GNE: variants seen among roughly 807,000 people sequenced by gnomAD.
GNE encodes bifunctional UDP-N-acetylglucosamine 2-epimerase/N-acetylmannosamine kinase.
In GNE, 41 loss-of-function variants were observed where a neutral mutation model predicts 61.8. The observed-to-expected ratio is 0.66, with a 90% CI of 0.52 to 0.86. GNE has a LOEUF of 0.86. GNE is among the 40% of genes least tolerant of loss of function. The pLI, the probability that GNE is intolerant of heterozygous loss-of-function variation, is 0.00. For synonymous variants in GNE, 264 were observed against 326.4 expected, an observed-to-expected ratio of 0.81 and a Z score of 2.06; for missense variants, 608 against 909.1, an observed-to-expected ratio of 0.67 and a Z score of 4.26.
At chr9:36,252,207 G>A (rs181841911) in intron 1 of GNE, among the ~76,000 whole-genome samples, 2 of 152,066 alleles carry the variant, frequency 1.3e-5, no homozygotes, top group East Asian at 1.9e-4. Flanking sequence ...GACTGGTCTC[G>A]AACTCCTGAC....
chr9:36,224,828 C>T lies in GNE; in HGVS notation c.1282-1326G>A, dbSNP rs1215481379. Among the ~76,000 whole-genome samples, 12 of 152,098 alleles carry T rather than the reference C, an allele frequency of 7.9e-5. No individual in the cohort carries two copies. The South Asian group carries it at 1.2e-3, about 16-fold the overall frequency. ...GAGGTTGCAGTAAGCCGAGATCATA[C>T]CACTGCACTCCAGTCTGGGCGACAG... On this transcript the variant is annotated intron_variant, in intron 7 of 11. Transcript: ENST00000642385.
chr9:36,241,994 G>C (rs1829647530), intron 3 of GNE, among the ~76,000 whole-genome samples: 4 of 151,960 alleles, frequency 2.6e-5, no homozygotes, highest in Non-Finnish European at 5.9e-5. Context: ...AAATTAGCCA[G>C]GTGTGGTGGT....
intron 1 of GNE, chr9:36,267,890 C>T (rs1278194518): frequency 2.0e-5 from 3 of 152,058 alleles, no homozygotes; most frequent in African/African-American, 7.2e-5. Context: ...TGGCTCATGC[C>T]TGTCTTCCCA....
In GNE at chr9:36,234,034, A is replaced by G; in HGVS notation, c.868T>C (p.Leu290=). The change falls in exon 5 of 12, where the codon TTG becomes CTG. Residue 290 remains leucine (L), a synonymous_variant. Transcript: ENST00000642385. The stretch of plus-strand genomic sequence containing the variant: ...ATCATACAGCCAGCATGGGCAACCA[A>G]CTGTATAAACTGGTCAAATGGGACG... ...KHVPFDQFIQ[L]VAHAGCMIGN... 3.1e-6 allele frequency: 5 copies of G among 1,614,128 alleles called. No homozygotes were observed. Among genetic ancestry groups the G allele is most frequent in the Non-Finnish European group, 4.2e-6 (5 of 1,179,958 alleles).
intron 1 of GNE, among the ~76,000 whole-genome samples, chr9:36,266,540 G>A (rs941655732): frequency 1.1e-4 from 17 of 152,166 alleles, no homozygotes; most frequent in Non-Finnish European, 1.6e-4. Context: ...TTGGGAGGCC[G>A]AGGCAGGTGG....
chr9:36,232,327 T>C (rs1829195136), intron 5 of GNE, among the ~76,000 whole-genome samples: 1 of 128,280 alleles, frequency 7.8e-6, no homozygotes, highest in African/African-American at 3.3e-5. Context: ...CTTTTATTCT[T>C]GCCCCCCCGC....
intron 5 of GNE, among the ~76,000 whole-genome samples, chr9:36,231,386 G>A (rs539961759): frequency 6.6e-6 from 1 of 152,214 alleles, no homozygotes; most frequent in South Asian, 2.1e-4. Flanking sequence ...TCAAGGTTAC[G>A]ATGAGCTATG....
At chr9:36,223,301 G>A in intron 8 of GNE, 72 bp downstream of exon 8, 2 of 1,330,906 alleles carry the variant, frequency 1.5e-6, no homozygotes, top group Non-Finnish European at 2.2e-6. Flanking sequence ...TGATGCTCAG[G>A]CATGCATCAC....
chr9:36,276,647 G>T (rs757817431), intron 1 of GNE, among the ~76,000 whole-genome samples: 2 of 152,206 alleles, frequency 1.3e-5, no homozygotes, highest in African/African-American at 4.8e-5. Context: ...CTGGAGAAAA[G>T]AGTTCAATTT....
intron 3 of GNE, among the ~76,000 whole-genome samples, chr9:36,239,324 A>G (rs1421360454): frequency 3.3e-5 from 5 of 152,030 alleles, no homozygotes; most frequent in African/African-American, 1.2e-4. Context: ...TTTTGGCAGT[A>G]TGGTCATTCT....
At chr9:36,246,552 C>G in intron 2 of GNE, 70 bp from the exon 3 acceptor site, 2 of 947,238 alleles carry the variant, frequency 2.1e-6, no homozygotes, top group Non-Finnish European at 3.4e-6. Context: ...GCAAGAAAAG[C>G]AATCTAACAC....
At chr9:36,269,609 T>C (rs1478035361) in intron 1 of GNE, among the ~76,000 whole-genome samples, 2 of 151,898 alleles carry the variant, frequency 1.3e-5, no homozygotes, top group Non-Finnish European at 2.9e-5. Context: ...ATTCAATCTT[T>C]CAAATAATTC....
At chr9:36,249,418 A>G (rs1452212759) in intron 1 of GNE, 21 bp from the exon 2 acceptor site, 2 of 1,527,080 alleles carry the variant, frequency 1.3e-6, no homozygotes, top group Admixed American at 1.7e-5. Flanking sequence ...CAAAATAAAA[A>G]CTTTATAATC....
chr9:36,228,055 C>T (rs1486954955), intron 6 of GNE, among the ~76,000 whole-genome samples: 1 of 143,444 alleles, frequency 7.0e-6, no homozygotes, highest in Non-Finnish European at 1.5e-5. Context: ...AAAAAAACAA[C>T]CAACAATAAC....
chr9:36,275,999 C>T (rs769087571), intron 1 of GNE, among the ~76,000 whole-genome samples: 1 of 152,172 alleles, frequency 6.6e-6, no homozygotes, highest in African/African-American at 2.4e-5. Flanking sequence ...GCAGCAAGAC[C>T]TTGTCTCTAC....
rs1003370349 is a variant in GNE at position 36,218,133 on chromosome 9, A to G, written c.1933+50T>C. ...TTCTGGGGCCGGGCTGGGCCATATGATATCTGAGGCCACCCCCTGCAGCAC... is the reference window on the plus strand; with the variant it reads ...TTCTGGGGCCGGGCTGGGCCATATGGTATCTGAGGCCACCCCCTGCAGCAC... On this transcript the variant is annotated intron_variant, in intron 11 of 11. Transcript: ENST00000642385. The surrounding 1 kb of genome is among the most constrained non-coding windows in gnomAD (Gnocchi z 4.1). 3 of 1,241,580 alleles carry G rather than the reference A, an allele frequency of 2.4e-6. No individual in the cohort carries two copies. The highest frequency in any genetic ancestry group is 2.9e-5 in the African/African-American group (2 of 67,808). 76.9% of individuals were successfully genotyped at this position (1,241,580 alleles called of 1,614,324 possible).
At chr9:36,267,271 C>T (rs1830838765) in intron 1 of GNE, among the ~76,000 whole-genome samples, 1 of 152,186 alleles carries the variant, frequency 6.6e-6, no homozygotes, top group South Asian at 2.1e-4. Context: ...TTTATCATGC[C>T]GACCAGTCAG....
intron 7 of GNE, among the ~76,000 whole-genome samples, chr9:36,225,712 G>T (rs972095582): frequency 2.0e-5 from 3 of 152,210 alleles, no homozygotes; most frequent in Non-Finnish European, 2.9e-5. Context: ...GGAGGCTGAG[G>T]CAGAGGACCA....
intron 8 of GNE, among the ~76,000 whole-genome samples, 166 bp from the exon 9 acceptor site, chr9:36,223,164 G>C (rs1177898085): frequency 2.0e-5 from 3 of 152,188 alleles, no homozygotes; most frequent in Non-Finnish European, 2.9e-5. Flanking sequence ...TAAAGCCATA[G>C]CACCTTAAAG....
Sources: gnomAD v4.1 joint callset for allele counts (sites outside exome capture counted in the v4.1 genomes callset) on GRCh38, gnomAD v4.1.1 for gene constraint, Gnocchi (gnomAD v3.1) non-coding constraint, MANE v1.5 for transcripts, NCBI Gene and HGNC (gene_info 2026-07-23, HGNC 2026-07-21) for gene names.